Variants in COL6A5 observed in about 807,000 individuals in gnomAD.
COL6A5 encodes the protein collagen type VI alpha 5 chain.
COL6A5 carries 48 observed loss-of-function variants against 65.6 expected under a neutral mutation model. The ratio of observed to expected loss-of-function variants is 0.73; its 90% CI spans 0.58 to 0.93. The LOEUF is 0.93. Ranked by LOEUF, COL6A5 falls within the 40% of genes least tolerant of loss-of-function variation. COL6A5 has a pLI of 0.00. For missense variants in COL6A5, 914 were observed against 928.3 expected (o/e 0.98, Z 0.20); for synonymous variants, 291 against 322.8 (o/e 0.90, Z 1.05).
intron 27 of COL6A5, among the ~76,000 whole-genome samples, chr3:130,421,738 C>T (rs948497991): frequency 6.6e-6 from 1 of 152,070 alleles, no homozygotes; most frequent in Non-Finnish European, 1.5e-5. Context: ...CAATATCCTT[C>T]TAATTGGGTT....
At chr3:130,347,498 G>T (rs1484871022) in intron 1 of COL6A5, among the ~76,000 whole-genome samples, 5 of 152,116 alleles carry the variant, frequency 3.3e-5, no homozygotes, top group Non-Finnish European at 7.4e-5. Context: ...AATGTTATGA[G>T]CCTGTGAAAA....
chr3:130,362,239 G>A (rs976950661), intron 1 of COL6A5, among the ~76,000 whole-genome samples: 2 of 91,230 alleles, frequency 2.2e-5, no homozygotes, highest in African/African-American at 8.2e-5. Flanking sequence ...TTTGGGAAGG[G>A]TGTAAGGTTT....
rs900165777 is a variant in COL6A5, at chr3:130,401,888, G to T, written c.4227+34G>T. ...CACCTGTGATACTATTTTATCTAAT[G>T]TGCCTTGATTTGGTACAGGTGGGAC... On this transcript the variant is annotated intron_variant and NMD_transcript_variant, in intron 12 of 41. Transcript: ENST00000312481. 18 of 1,477,556 alleles carry T rather than the reference G, an allele frequency of 1.2e-5. No homozygotes were observed. In the African/African-American group the frequency reaches 2.5e-4, roughly 21 times the overall value. The allele number at this position is 1,477,556 out of a possible 1,614,324, so 91.5% of individuals were successfully genotyped here.
intron 1 of COL6A5, among the ~76,000 whole-genome samples, chr3:130,357,721 T>C (rs1300055671): frequency 6.6e-6 from 1 of 152,222 alleles, no homozygotes; most frequent in Non-Finnish European, 1.5e-5. Flanking sequence ...AAAAAGCATA[T>C]GTGATCATTG....
chr3:130,454,495 T>A (rs1012633314), intron 4 of COL6A5, among the ~76,000 whole-genome samples: 3 of 152,216 alleles, frequency 2.0e-5, no homozygotes, highest in Non-Finnish European at 4.4e-5. Flanking sequence ...ACAGTTAAAA[T>A]CATATTACTG....
intron 1 of COL6A5, among the ~76,000 whole-genome samples, chr3:130,351,015 G>A (rs372289063): frequency 8.6e-5 from 13 of 151,994 alleles, no homozygotes; most frequent in Non-Finnish European, 1.3e-4. Context: ...ACCACACATC[G>A]ACAACCATCT....
intron 6 of COL6A5, among the ~76,000 whole-genome samples, chr3:130,470,028 C>T (rs1356402663): frequency 1.3e-5 from 2 of 152,024 alleles, no homozygotes; most frequent in African/African-American, 4.8e-5. Flanking sequence ...CCACCTACTC[C>T]AAGGACTTCT....
At chr3:130,428,369 A>T (rs1403984139), upstream of COL6A5, among the ~76,000 whole-genome samples, 4 of 152,054 alleles carry the variant, frequency 2.6e-5, no homozygotes, top group Non-Finnish European at 4.4e-5. Context: ...ACATACAGGG[A>T]TGAGGGCCAG....
chr3:130,349,262 G>A (rs1012637012), intron 1 of COL6A5, among the ~76,000 whole-genome samples: 3 of 152,178 alleles, frequency 2.0e-5, no homozygotes, highest in Non-Finnish European at 4.4e-5. Flanking sequence ...GAAGAGAATG[G>A]AATAATGGAA....
exon 6 of COL6A5, chr3:130,388,873 A>C: frequency 6.4e-7 from 1 of 1,551,224 alleles, no homozygotes. Context: ...TCAATACTTC[A>C]CCCACTCCAA....
intron 1 of COL6A5, among the ~76,000 whole-genome samples, chr3:130,350,849 T>G (rs1367274989): frequency 6.6e-6 from 1 of 152,180 alleles, no homozygotes; most frequent in African/African-American, 2.4e-5. Context: ...GCACCTGCAT[T>G]GCCAAGACAA....
intron 7 of COL6A5, among the ~76,000 whole-genome samples, chr3:130,479,384 G>A (rs1710179863): frequency 6.7e-6 from 1 of 148,544 alleles, no homozygotes; most frequent in Non-Finnish European, 1.5e-5. Context: ...CAGCCTAAAT[G>A]GACTAAAACA....
chr3:130,397,841 T>A, exon 9 of COL6A5: 1 of 1,551,634 alleles, frequency 6.4e-7, no homozygotes, highest in Non-Finnish European at 8.7e-7. Flanking sequence ...CAAGTCAACG[T>A]CAGTGGGCCA....
chr3:130,473,635 T>G (rs1710014923), intron 7 of COL6A5, among the ~76,000 whole-genome samples: 1 of 152,100 alleles, frequency 6.6e-6, no homozygotes, highest in Admixed American at 6.6e-5. Context: ...ATGAAGAATG[T>G]TGACAAACTG....
chr3:130,455,390 G>A, intron 4 of COL6A5, 65 bp from the exon 37 acceptor site: 3 of 900,802 alleles, frequency 3.3e-6, no homozygotes, highest in Non-Finnish European at 5.2e-6. Flanking sequence ...TAAATGTTAA[G>A]GATGTTTTAT....
chr3:130,366,038 A>G (rs554804891), intron 1 of COL6A5, among the ~76,000 whole-genome samples: 2 of 152,232 alleles, frequency 1.3e-5, no homozygotes, highest in Non-Finnish European at 2.9e-5. Context: ...GTCCTAGAGC[A>G]GGAAAGCAGG....
intron 21 of COL6A5, 117 bp downstream of exon 21, chr3:130,413,697 A>G (rs186095908): frequency 9.5e-7 from 1 of 1,052,914 alleles, no homozygotes; most frequent in Admixed American, 2.0e-5. Flanking sequence ...GGAAGTGCCC[A>G]GTACTGGACG....
chr3:130,437,635 G>A (rs1350646345), intron 1 of COL6A5, among the ~76,000 whole-genome samples: 5 of 151,974 alleles, frequency 3.3e-5, no homozygotes, highest in Admixed American at 6.6e-5. Flanking sequence ...GTAACTCTCT[G>A]ATCTCACCTT....
chr3:130,461,600 G>T (rs550605459), intron 5 of COL6A5, among the ~76,000 whole-genome samples: 78 of 152,086 alleles, frequency 5.1e-4, no homozygotes, highest in African/African-American at 1.8e-3. Flanking sequence ...AACAATGTAT[G>T]CCATGTTGCC....
Sources: allele counts gnomAD v4.1 joint callset (sites outside exome capture counted in the v4.1 genomes callset), GRCh38; gene constraint gnomAD v4.1.1; transcripts MANE v1.5; gene names NCBI Gene and HGNC (gene_info 2026-07-23, HGNC 2026-07-21).